Variants in AFDN observed in about 807,000 individuals in gnomAD.
AFDN encodes the protein afadin, adherens junction formation factor, also known as afadin.
A neutral mutation model predicts 216.6 loss-of-function variants in AFDN; 68 were observed. That is an observed-to-expected ratio of 0.31 (90% CI 0.26 to 0.38). AFDN has a LOEUF of 0.38. AFDN is among the 10% of genes least tolerant of loss of function. The probability of loss-of-function intolerance (pLI) is 1.00; values close to 1 mark genes in which losing one functional copy is unlikely to be tolerated. For synonymous variants in AFDN, 868 were observed against 853.7 expected (o/e 1.02, Z -0.29); for missense variants, 2,136 against 2,342.0 (o/e 0.91, Z 1.82).
chr6:167,971,132 T>C lies in AFDN; in HGVS notation c.*1197T>C, dbSNP rs1267731852. Reference sequence around the variant, plus strand: ...GGTGTTAAGATGATAAATTACTTTGTGATTACAAGCAAATTTTCTATTTGA... The same window carrying C: ...GGTGTTAAGATGATAAATTACTTTGCGATTACAAGCAAATTTTCTATTTGA... On this transcript the variant is annotated 3_prime_UTR_variant, in exon 34 of 34. Transcript: ENST00000683244. 1.8e-5 allele frequency: 4 copies of C among 222,240 alleles called. No individual in the cohort carries two copies. Among genetic ancestry groups the C allele is most frequent in the Non-Finnish European group, 3.6e-5 (4 of 111,282 alleles). The allele number at this position is 222,240 out of a possible 1,614,324, so 13.8% of individuals were successfully genotyped here.
chr6:167,919,487 T>C (rs1791516724), intron 21 of AFDN, among the ~76,000 whole-genome samples: 1 of 152,228 alleles, frequency 6.6e-6, no homozygotes, highest in South Asian at 2.1e-4. Flanking sequence ...AATGGTTTCC[T>C]GTGGAGCATG....
chr6:167,935,735 A>T (rs548742032), intron 23 of AFDN, among the ~76,000 whole-genome samples: 1 of 152,088 alleles, frequency 6.6e-6, no homozygotes, highest in Non-Finnish European at 1.5e-5. Context: ...TTCTGGAGTT[A>T]TCTATAATAT....
Position 167,893,913 on chromosome 6 carries a change from C to T in AFDN, c.1222+7C>T. 2.6e-6 allele frequency: 4 copies of T among 1,567,662 alleles called. No homozygotes were observed. The highest frequency in any genetic ancestry group is 3.5e-6 in the Non-Finnish European group (4 of 1,149,978). On this transcript the variant is annotated splice_region_variant and intron_variant, in intron 9 of 33. Transcript: ENST00000683244. ...AACTATCACACTTACGAAGGTAATG[C>T]TATGCTTACTACTACTTTTATAACT... is the stretch of plus-strand genomic sequence containing the variant.
chr6:167,827,728 G>A (rs1248250129), intron 1 of AFDN: 1 of 152,128 alleles, frequency 6.6e-6, no homozygotes, highest in Non-Finnish European at 1.5e-5. Flanking sequence ...CAGCTGGGAG[G>A]GGAAAGTCAG....
chr6:167,942,458 T>C (rs955141585), intron 23 of AFDN, among the ~76,000 whole-genome samples: 7 of 152,204 alleles, frequency 4.6e-5, no homozygotes, highest in Non-Finnish European at 7.3e-5. Flanking sequence ...TTGCAATAAA[T>C]TACCCAAAAT....
chr6:167,888,239 A>G (rs959741116), intron 6 of AFDN, among the ~76,000 whole-genome samples: 10 of 152,194 alleles, frequency 6.6e-5, no homozygotes, highest in Admixed American at 2.6e-4. Context: ...GTTACAGTCT[A>G]TTTGTCTTTT....
intron 12 of AFDN, among the ~76,000 whole-genome samples, chr6:167,903,311 G>A (rs1318642924): frequency 6.6e-6 from 1 of 152,220 alleles, no homozygotes; most frequent in Non-Finnish European, 1.5e-5. Context: ...TCACCTAGAA[G>A]ATCAGTTGGT....
At chr6:167,843,931 A>G (rs1752380300) in intron 1 of AFDN, among the ~76,000 whole-genome samples, 1 of 152,208 alleles carries the variant, frequency 6.6e-6, no homozygotes, top group African/African-American at 2.4e-5. Context: ...AAGCTTTTTC[A>G]GGTGGGCAGT....
chr6:167,959,172 AC>A (rs2128730922), intron 30 of AFDN, among the ~76,000 whole-genome samples: 1 of 152,338 alleles, frequency 6.6e-6, no homozygotes, highest in Non-Finnish European at 1.5e-5. Flanking sequence ...AGGGCGTTTC[AC>A]CAGCTAAGCT....
chr6:167,893,110 G>A (rs1329375792), intron 8 of AFDN, among the ~76,000 whole-genome samples: 2 of 152,154 alleles, frequency 1.3e-5, no homozygotes, highest in Non-Finnish European at 2.9e-5. Context: ...AGCTTAACTT[G>A]TTCCACAAAT....
Position 167,898,216 on chromosome 6 carries a change from A to G in AFDN, c.1329A>G (p.Pro443=). The G allele has an allele frequency of 1.2e-6, 2 of 1,613,710 alleles. No homozygotes were observed. The highest frequency in any genetic ancestry group is 2.2e-5 in the South Asian group (2 of 91,034). ...CCTTCGGTTTCCAGTTGTTTGGCCC[A>G]GGAATTCAGCCCCATCACTGTGACC... ...LDDNSIQLFG[P]GIQPHHCDLT... is the part of the protein sequence containing the mutation. Residue 443 remains proline, a synonymous_variant, in exon 11 of 34, where the codon CCA becomes CCG. Transcript: ENST00000683244.
At chr6:167,844,503 A>G (rs1381287039) in intron 1 of AFDN, among the ~76,000 whole-genome samples, 1 of 152,190 alleles carries the variant, frequency 6.6e-6, no homozygotes, top group Non-Finnish European at 1.5e-5. Context: ...TTAACTATTA[A>G]TGAACACTTT....
chr6:167,834,978 C>T (rs901311162), intron 1 of AFDN, among the ~76,000 whole-genome samples: 1 of 152,082 alleles, frequency 6.6e-6, no homozygotes, highest in East Asian at 1.9e-4. Flanking sequence ...CAGAGTGAGA[C>T]CCCATCTCAA....
intron 11 of AFDN, among the ~76,000 whole-genome samples, chr6:167,900,697 C>A (rs993502545): frequency 2.6e-5 from 4 of 152,160 alleles, no homozygotes; most frequent in Non-Finnish European, 5.9e-5. Context: ...TACTCACATA[C>A]TACCCACAAG....
intron 1 of AFDN, among the ~76,000 whole-genome samples, chr6:167,859,071 GTTTT>G (rs933336720): frequency 9.2e-6 from 1 of 109,028 alleles, no homozygotes; most frequent in Non-Finnish European, 2.0e-5. Context: ...GGCCGTTCTT[GTTTT>G]TTTTTTTTTT....
At chr6:167,848,422 A>T (rs1371288407) in intron 1 of AFDN, among the ~76,000 whole-genome samples, 2 of 152,186 alleles carry the variant, frequency 1.3e-5, no homozygotes, top group East Asian at 3.8e-4. Context: ...GAAACTTCAT[A>T]TGAGTAGATA....
At position 167,918,727 on chromosome 6, in the gene AFDN, C is replaced by G. The variant is rs774818304; in HGVS notation, c.2710-8C>G. ...CTCTTTTTAATTTTGCGTTTGTTTT[C>G]CAAACAGGATCTTATAGAAAATGTA... On this transcript the variant is annotated splice_region_variant and splice_polypyrimidine_tract_variant and intron_variant, in intron 20 of 33. Transcript: ENST00000683244. 2.5e-6 allele frequency: 4 copies of G among 1,613,954 alleles called. No individual in the cohort carries two copies. Among genetic ancestry groups the G allele is most frequent in the Non-Finnish European group, 3.4e-6 (4 of 1,179,966 alleles).
At chr6:167,885,266 C>G (rs558355547) in intron 6 of AFDN, among the ~76,000 whole-genome samples, 39 of 152,336 alleles carry the variant, frequency 2.6e-4, no homozygotes, top group African/African-American at 9.1e-4. Context: ...TGGAGTAGCA[C>G]TTTTAATTTC....
intron 19 of AFDN, among the ~76,000 whole-genome samples, chr6:167,916,401 C>T (rs1002472261): frequency 1.3e-5 from 2 of 152,112 alleles, no homozygotes; most frequent in Admixed American, 6.5e-5. Flanking sequence ...TAAGTGGTAA[C>T]CAGTGGACTG....
Sources: allele counts gnomAD v4.1 joint callset (sites outside exome capture counted in the v4.1 genomes callset), GRCh38; gene constraint gnomAD v4.1.1; transcripts MANE v1.5; gene names NCBI Gene and HGNC (gene_info 2026-07-23, HGNC 2026-07-21).